Variants in LMO4 observed in about 807,000 individuals in gnomAD.
The protein encoded by LMO4 is LIM domain transcription factor LMO4.
Under a neutral mutation model 18.5 loss-of-function variants are expected in LMO4, and 3 were observed. The observed-to-expected ratio is 0.16, with a 90% CI of 0.07 to 0.42. LMO4 has a LOEUF of 0.42. LMO4 is among the 10% of genes least tolerant of loss of function. LMO4 has a pLI of 0.99. For missense variants in LMO4, 121 were observed against 219.9 expected (o/e 0.55, Z 2.84); for synonymous variants, 100 against 88.1 (o/e 1.14, Z -0.76).
chr1:87,335,166 C>A (rs914411026), intron 2 of LMO4, among the ~76,000 whole-genome samples: 3 of 152,206 alleles, frequency 2.0e-5, no homozygotes, highest in Non-Finnish European at 4.4e-5. Flanking sequence ...CTCCCGACCC[C>A]TCAGCTCCAC....
At chr1:87,330,372 A>G (rs1211312596) in intron 1 of LMO4, among the ~76,000 whole-genome samples, 1 of 152,186 alleles carries the variant, frequency 6.6e-6, no homozygotes, top group African/African-American at 2.4e-5. Context: ...TAGGGCTGAA[A>G]TTGTAACAAA....
At chr1:87,334,737 C>A (rs951341502) in intron 2 of LMO4, among the ~76,000 whole-genome samples, 1 of 152,022 alleles carries the variant, frequency 6.6e-6, no homozygotes, top group Non-Finnish European at 1.5e-5. Context: ...GATGAGGGGG[C>A]GCTTTCACCA....
In LMO4 at chr1:87,348,799, G is replaced by A; in HGVS notation, c.*4003G>A. On this transcript the variant is annotated 3_prime_UTR_variant, in exon 5 of 5. Transcript: ENST00000370544. Reference sequence around the variant, plus strand: ...TTCAAGTTCAGATTGATTCTGCTGAGAATGGACGGCAACTCGGAGGCCTCA... The same window carrying A: ...TTCAAGTTCAGATTGATTCTGCTGAAAATGGACGGCAACTCGGAGGCCTCA... 1 of 506,450 alleles carries A rather than the reference G, an allele frequency of 2.0e-6. No individual in the cohort carries two copies. Among genetic ancestry groups the A allele is most frequent in the Non-Finnish European group, 3.9e-6 (1 of 253,742 alleles). The allele number at this position is 506,450 out of a possible 1,614,324, so 31.4% of individuals were successfully genotyped here.
intron 2 of LMO4, among the ~76,000 whole-genome samples, chr1:87,333,942 CAA>C (rs78559370): frequency 9.1e-6 from 1 of 109,944 alleles, no homozygotes; most frequent in Admixed American, 9.4e-5. Flanking sequence ...CGAGTGCCTT[CAA>C]AAAAAAAAAA....
intron 2 of LMO4, among the ~76,000 whole-genome samples, chr1:87,335,227 C>T (rs1444905669): frequency 1.3e-5 from 2 of 152,248 alleles, no homozygotes. Flanking sequence ...CTCGAACCGT[C>T]TTTCCTCCAC....
rs867565307 is a variant in LMO4 at position 87,330,199 on chromosome 1, C to A, written c.-4+955C>A. Among the ~76,000 whole-genome samples the A allele has an allele frequency of 5.1e-3, 748 of 146,660 alleles. 3 individuals are homozygous for A. The highest frequency in any genetic ancestry group is 0.017 in the African/African-American group (698 of 40,194). ...TTTTCTCAGTGTAATGTTTCCTTTTCAAAAAAAAAATACATATATATTTAC... is the reference window on the plus strand; with the variant it reads ...TTTTCTCAGTGTAATGTTTCCTTTTAAAAAAAAAAATACATATATATTTAC... On this transcript the variant is annotated intron_variant, in intron 1 of 4. Coordinates refer to ENST00000370544, the MANE Select transcript of LMO4 (RefSeq NM_006769.4).
At chr1:87,338,062 A>G (rs560501886) in intron 2 of LMO4, among the ~76,000 whole-genome samples, 17 of 152,334 alleles carry the variant, frequency 1.1e-4, no homozygotes, top group Non-Finnish European at 2.1e-4. Flanking sequence ...TTCCTATTAA[A>G]AGCCATCTTA....
In LMO4 at chr1:87,340,742, C is replaced by T. The variant is rs147494141; in HGVS notation, c.489+540C>T. Among the ~76,000 whole-genome samples the T allele has an allele frequency of 7.2e-5, 11 of 152,204 alleles. 1 individual carries two copies. The South Asian group carries it at 8.3e-4, about 11-fold the overall frequency. On this transcript the variant is annotated intron_variant, in intron 4 of 4. Coordinates refer to ENST00000370544, the MANE Select transcript of LMO4 (RefSeq NM_006769.4). ...ATAAGAGGGCATTTTTGTTCATTGG[C>T]GGTACCATAACATTTGAATAAGTTA...
rs1650708262 is a variant in LMO4 at position 87,348,803 on chromosome 1, G to C, written c.*4007G>C. 7.9e-6 allele frequency: 4 copies of C among 504,338 alleles called. No homozygotes were observed. The highest frequency in any genetic ancestry group is 5.8e-5 in the South Asian group (4 of 69,322). The allele number at this position is 504,338 out of a possible 1,614,324, so 31.2% of individuals were successfully genotyped here. On this transcript the variant is annotated 3_prime_UTR_variant, in exon 5 of 5. Coordinates refer to ENST00000370544, the MANE Select transcript of LMO4 (RefSeq NM_006769.4). Reference sequence around the variant, plus strand: ...AGTTCAGATTGATTCTGCTGAGAATGGACGGCAACTCGGAGGCCTCAAGCC... The same window carrying C: ...AGTTCAGATTGATTCTGCTGAGAATCGACGGCAACTCGGAGGCCTCAAGCC...
At chr1:87,340,516 T>C (rs1025542999) in intron 4 of LMO4, among the ~76,000 whole-genome samples, 1 of 152,212 alleles carries the variant, frequency 6.6e-6, no homozygotes, top group African/African-American at 2.4e-5. Context: ...TTTGACAATT[T>C]TGAAATTCAG....
chr1:87,334,279 A>G (rs1268542788), intron 2 of LMO4, among the ~76,000 whole-genome samples: 1 of 151,858 alleles, frequency 6.6e-6, no homozygotes, highest in Non-Finnish European at 1.5e-5. Context: ...TTTCTAGGAG[A>G]GATGAGTTCT....
chr1:87,344,209 C>T (rs527694804), intron 4 of LMO4, among the ~76,000 whole-genome samples: 2 of 152,208 alleles, frequency 1.3e-5, no homozygotes, highest in South Asian at 4.1e-4. Context: ...ATGGGGATAT[C>T]GGAATAATAA....
chr1:87,341,456 A>G (rs1363030681), intron 4 of LMO4, among the ~76,000 whole-genome samples: 1 of 152,220 alleles, frequency 6.6e-6, no homozygotes, highest in Non-Finnish European at 1.5e-5. Context: ...CACAAAAAAA[A>G]CAACATTTAT....
At chr1:87,333,304 T>TA (rs925938543) in intron 2 of LMO4, among the ~76,000 whole-genome samples, 43 of 149,000 alleles carry the variant, frequency 2.9e-4, no homozygotes, top group South Asian at 8.5e-4. Context: ...ATCCAGTAAT[T>TA]AAAAAAAAAA....
In LMO4 at chr1:87,332,148, A is replaced by T; in HGVS notation, c.133A>T (p.Ser45Cys). The change falls in exon 2 of 5, where the codon AGC (serine) becomes TGC (cysteine). Residue 45 changes from serine (S) to cysteine (C), a missense_variant. Ser to Cys is a moderately radical substitution (Grantham distance 112, BLOSUM62 -1). Coordinates refer to ENST00000370544, the MANE Select transcript of LMO4 (RefSeq NM_006769.4). The stretch of plus-strand genomic sequence containing the variant: ...CTATGCCATGGACAGCTATTGGCAC[A>T]GCCGGTGCCTCAAGTGCTCCTGCTG... ...LLYAMDSYWH[S>C]RCLKCSCCQA... The T allele has an allele frequency of 1.2e-6, 2 of 1,614,242 alleles. No homozygotes were observed. Among genetic ancestry groups the T allele is most frequent in the Non-Finnish European group, 1.7e-6 (2 of 1,180,048 alleles).
intron 1 of LMO4, among the ~76,000 whole-genome samples, chr1:87,330,491 C>G (rs1176548835): frequency 1.3e-5 from 2 of 152,174 alleles, no homozygotes; most frequent in East Asian, 3.9e-4. Context: ...TTTCCAAAGT[C>G]TCAGGGTTTT....
At chr1:87,329,857 A>G (rs1650082713) in intron 1 of LMO4, among the ~76,000 whole-genome samples, 1 of 152,192 alleles carries the variant, frequency 6.6e-6, no homozygotes, top group Admixed American at 6.5e-5. Flanking sequence ...CTTGGTCTCC[A>G]TTAAAAAACA....
intron 2 of LMO4, among the ~76,000 whole-genome samples, chr1:87,336,977 AACACAC>A (rs543810100): frequency 6.6e-6 from 1 of 151,768 alleles, no homozygotes; most frequent in Non-Finnish European, 1.5e-5. Context: ...GTTGTGAAAA[AACACAC>A]ACACACACGC....
chr1:87,333,278 G>C (rs927481910), intron 2 of LMO4, among the ~76,000 whole-genome samples: 2 of 151,978 alleles, frequency 1.3e-5, no homozygotes, highest in Admixed American at 6.5e-5. Context: ...GCTTCTAGGA[G>C]GTGTTCTGTT....
Sources: gnomAD v4.1 joint callset for allele counts (sites outside exome capture counted in the v4.1 genomes callset) on GRCh38, gnomAD v4.1.1 for gene constraint, MANE v1.5 for transcripts, NCBI Gene and HGNC (gene_info 2026-07-23, HGNC 2026-07-21) for gene names.